Variants in PLCZ1 observed in about 807,000 individuals in gnomAD.
The protein encoded by PLCZ1 is 1-phosphatidylinositol 4,5-bisphosphate phosphodiesterase zeta-1.
In PLCZ1, 64 loss-of-function variants were observed where a neutral mutation model predicts 76.8. The ratio of observed to expected loss-of-function variants is 0.83; its 90% CI spans 0.68 to 1.03. The LOEUF (loss-of-function observed/expected upper bound fraction) is 1.03. PLCZ1 is among the 50% of genes least tolerant of loss of function. The pLI is 0.00. For synonymous variants in PLCZ1, 248 were observed against 230.8 expected (o/e 1.07, Z -0.68); for missense variants, 751 against 713.7 (o/e 1.05, Z -0.60).
intron 12 of PLCZ1, chr12:18,693,378 G>A (rs1387891464): frequency 3.1e-6 from 5 of 1,603,852 alleles, no homozygotes; most frequent in Admixed American, 1.7e-5. Flanking sequence ...TAAGGAATCT[G>A]TGGAGCTTCC....
chr12:18,647,979 T>C, the PLCZ1 span: 1 of 1,598,724 alleles, frequency 6.3e-7, no homozygotes, highest in Non-Finnish European at 8.5e-7. Context: ...CTCTGTAGTG[T>C]CCCACTCGAT....
At chr12:18,667,217 C>G in the PLCZ1 span, among the ~76,000 whole-genome samples, 1 of 152,096 alleles carries the variant, frequency 6.6e-6, no homozygotes, top group African/African-American at 2.4e-5. Flanking sequence ...AGGAATAGTT[C>G]AAATACGTAA....
At chr12:18,731,957 A>G (rs1319437984) in intron 3 of PLCZ1, among the ~76,000 whole-genome samples, 2 of 152,118 alleles carry the variant, frequency 1.3e-5, no homozygotes, top group Non-Finnish European at 2.9e-5. Context: ...AATAAGTGAA[A>G]TAACCTATGT....
At chr12:18,646,348 A>C in the PLCZ1 span, among the ~76,000 whole-genome samples, 24 of 152,348 alleles carry the variant, frequency 1.6e-4, no homozygotes, top group African/African-American at 5.5e-4. Context: ...GTATGGAATG[A>C]GAGTAAAATT....
chr12:18,692,642 T>C (rs765678738), intron 12 of PLCZ1: 12 of 610,356 alleles, frequency 2.0e-5, no homozygotes, highest in African/African-American at 3.7e-5. Flanking sequence ...GCAGGAGGAC[T>C]AATTATGCAG....
intron 4 of PLCZ1, 123 bp downstream of exon 4, chr12:18,723,188 A>C: frequency 1.2e-6 from 1 of 819,284 alleles, no homozygotes; most frequent in African/African-American, 1.7e-5. Flanking sequence ...TATTTGACCC[A>C]TCCAAAAACG....
the PLCZ1 span, among the ~76,000 whole-genome samples, chr12:18,677,608 C>A: frequency 6.6e-6 from 1 of 151,974 alleles, no homozygotes; most frequent in African/African-American, 2.4e-5. Flanking sequence ...TTAGAATAAC[C>A]TAAAGAATTT....
intron 2 of PLCZ1, chr12:18,736,629 A>G (rs1174359873): frequency 1.8e-5 from 23 of 1,300,832 alleles, no homozygotes; most frequent in Non-Finnish European, 2.3e-5. Context: ...TTAAAACATT[A>G]TAACAATCTA....
At chr12:18,709,046 T>C (rs546362656) in intron 6 of PLCZ1, among the ~76,000 whole-genome samples, 6 of 152,172 alleles carry the variant, frequency 3.9e-5, no homozygotes, top group Non-Finnish European at 7.3e-5. Flanking sequence ...ATTTTTGCTT[T>C]TGTGATCTGA....
intron 10 of PLCZ1, among the ~76,000 whole-genome samples, chr12:18,697,793 TACA>T (rs2137209339): frequency 8.5e-6 from 1 of 117,112 alleles, no homozygotes; most frequent in African/African-American, 4.0e-5. Flanking sequence ...AATATTCATC[TACA>T]ACATTATTTT....
chr12:18,646,191 C>A, the PLCZ1 span, among the ~76,000 whole-genome samples: 1 of 152,236 alleles, frequency 6.6e-6, no homozygotes, highest in South Asian at 2.1e-4. Context: ...TTGTTTCATG[C>A]AGATTTTATT....
chr12:18,700,939 C>T (rs1465292663), intron 9 of PLCZ1, among the ~76,000 whole-genome samples: 1 of 151,806 alleles, frequency 6.6e-6, no homozygotes, highest in African/African-American at 2.4e-5. Flanking sequence ...GCACTTCGCA[C>T]AAAGCCTGTT....
At chr12:18,736,611 A>T in intron 2 of PLCZ1, 2 of 1,278,062 alleles carry the variant, frequency 1.6e-6, no homozygotes, top group Non-Finnish European at 2.0e-6. Context: ...CATTACTTAG[A>T]ACATACATTA....
At chr12:18,719,176 A>G (rs1296839303) in intron 5 of PLCZ1, among the ~76,000 whole-genome samples, 3 of 152,144 alleles carry the variant, frequency 2.0e-5, no homozygotes, top group Non-Finnish European at 4.4e-5. Flanking sequence ...CGGAGGGGCC[A>G]TAACCATGGA....
chr12:18,651,413 T>A, the PLCZ1 span, among the ~76,000 whole-genome samples: 1 of 152,172 alleles, frequency 6.6e-6, no homozygotes, highest in East Asian at 1.9e-4. Flanking sequence ...CTTATCATCT[T>A]TGAATATTTT....
the PLCZ1 span, among the ~76,000 whole-genome samples, chr12:18,659,942 T>C: frequency 1.3e-5 from 2 of 152,070 alleles, no homozygotes; most frequent in Non-Finnish European, 2.9e-5. Flanking sequence ...CTAACTCAAA[T>C]TTACATAGAG....
intron 10 of PLCZ1, among the ~76,000 whole-genome samples, chr12:18,698,200 T>G (rs970867569): frequency 2.8e-4 from 43 of 151,388 alleles, no homozygotes; most frequent in African/African-American, 1.0e-3. Flanking sequence ...CACAATTGCT[T>G]CATAAAACCA....
chr12:18,717,466 C>A (rs1256957113), intron 5 of PLCZ1, among the ~76,000 whole-genome samples: 1 of 152,174 alleles, frequency 6.6e-6, no homozygotes, highest in African/African-American at 2.4e-5. Flanking sequence ...GTAATGCTAT[C>A]TAATCATTTG....
At chr12:18,732,128 T>C (rs760960007) in intron 3 of PLCZ1, among the ~76,000 whole-genome samples, 3 of 152,050 alleles carry the variant, frequency 2.0e-5, no homozygotes, top group Non-Finnish European at 4.4e-5. Context: ...AACATATCCA[T>C]TCCTTCCAAA....
Sources: allele counts gnomAD v4.1 joint callset (sites outside exome capture counted in the v4.1 genomes callset), GRCh38; gene constraint gnomAD v4.1.1; transcripts MANE v1.5; gene names NCBI Gene and HGNC (gene_info 2026-07-23, HGNC 2026-07-21).